Variants in CEP120 observed in about 807,000 individuals in gnomAD.
CEP120 encodes the protein centrosomal protein of 120 kDa.
Under a neutral mutation model 126.5 loss-of-function variants are expected in CEP120, and 113 were observed. The ratio of observed to expected loss-of-function variants is 0.89; its 90% CI spans 0.77 to 1.04. CEP120 has a LOEUF of 1.04. CEP120 is among the 50% of genes least tolerant of loss of function. The pLI, the probability that CEP120 is intolerant of heterozygous loss-of-function variation, is 0.00. For missense variants in CEP120, 1,230 were observed against 1,155.7 expected (o/e 1.06, Z -0.93); for synonymous variants, 400 against 394.3 (o/e 1.01, Z -0.17).
intron 3 of CEP120, among the ~76,000 whole-genome samples, chr5:123,414,449 C>T (rs575872559): frequency 6.6e-6 from 1 of 152,272 alleles, no homozygotes; most frequent in Admixed American, 6.5e-5. Context: ...TGCAAATATC[C>T]TTGCTATCAG....
At chr5:123,402,191 G>A (rs548957461) in intron 4 of CEP120, 16 of 1,567,398 alleles carry the variant, frequency 1.0e-5, no homozygotes, top group Admixed American at 3.4e-5. Flanking sequence ...CACAGCCGCC[G>A]CCCAGGCCAC....
intron 2 of CEP120, 103 bp from the exon 3 acceptor site, chr5:123,416,227 TA>T (rs1235960553): frequency 1.0e-5 from 7 of 693,862 alleles, no homozygotes; most frequent in Non-Finnish European, 1.7e-5. Context: ...TTTTGTTGGA[TA>T]AAACTGTAAC....
intron 16 of CEP120, among the ~76,000 whole-genome samples, chr5:123,376,139 A>G (rs1161078762): frequency 2.6e-5 from 4 of 152,156 alleles, no homozygotes; most frequent in Non-Finnish European, 5.9e-5. Context: ...ATGAAAATAA[A>G]AACAAACCGA....
intron 3 of CEP120, among the ~76,000 whole-genome samples, chr5:123,413,357 A>G (rs1214186909): frequency 2.6e-5 from 4 of 152,136 alleles, no homozygotes; most frequent in Non-Finnish European, 4.4e-5. Context: ...TTAACAAAAT[A>G]CTAAAGTCAA....
intron 4 of CEP120, among the ~76,000 whole-genome samples, chr5:123,411,830 G>T (rs541601431): frequency 1.3e-5 from 2 of 152,158 alleles, no homozygotes; most frequent in Non-Finnish European, 2.9e-5. Flanking sequence ...GAAACCTAAT[G>T]TAAACTATAG....
At position 123,414,971 on chromosome 5, in the gene CEP120, C is replaced by CAAAAAAAAAA. The variant is rs56756568; in HGVS notation, c.321+1029_321+1038dup. On this transcript the variant is annotated intron_variant, in intron 3 of 19. Coordinates refer to ENST00000306467, the MANE Select transcript of CEP120 (RefSeq NM_001375405.1). ...TGGGCAACAGAGCAAGACTCCATCT[C>CAAAAAAAAAA]AAAAAAAAAAAAAAAAAAAAAAAAA... Among the ~76,000 whole-genome samples, 24 of 40,664 alleles carry CAAAAAAAAAA rather than the reference C, an allele frequency of 5.9e-4. 2 individuals carry two copies. Among genetic ancestry groups the CAAAAAAAAAA allele is most frequent in the African/African-American group, 2.4e-3 (21 of 8,650 alleles). 26.7% of individuals were successfully genotyped at this position (40,664 alleles called of 152,430 possible).
At chr5:123,365,401 T>C (rs944039231) in intron 17 of CEP120, among the ~76,000 whole-genome samples, 1 of 151,780 alleles carries the variant, frequency 6.6e-6, no homozygotes, top group African/African-American at 2.4e-5. Context: ...TACTATTAAG[T>C]GATAATGTAA....
intron 4 of CEP120, among the ~76,000 whole-genome samples, chr5:123,410,103 C>G (rs1427808669): frequency 6.7e-6 from 1 of 150,266 alleles, no homozygotes; most frequent in African/African-American, 2.4e-5. Context: ...ATAAAATTTA[C>G]ATGAACACCC....
Position 123,355,256 on chromosome 5 carries a change from A to G in CEP120, c.2581-5167T>C, listed in dbSNP as rs1434321615. On this transcript the variant is annotated intron_variant, in intron 18 of 19. Transcript: ENST00000306467. ...TGCCACAAGAAACATACGTGTGCAT[A>G]TGTCTTTATAGCAGCATGATTTATA... is the stretch of plus-strand genomic sequence containing the variant. Among the ~76,000 whole-genome samples, 6 of 152,150 alleles carry G rather than the reference A, an allele frequency of 3.9e-5. No individual in the cohort carries two copies. The South Asian group carries it at 8.3e-4, about 21-fold the overall frequency.
intron 4 of CEP120, chr5:123,401,948 G>A (rs1211104663): frequency 1.4e-5 from 21 of 1,538,982 alleles, no homozygotes; most frequent in Admixed American, 1.3e-4. Flanking sequence ...TGTTGCTCCC[G>A]GCCGTCTTCT....
chr5:123,359,310 A>C (rs1197558695), intron 18 of CEP120, among the ~76,000 whole-genome samples: 12 of 152,064 alleles, frequency 7.9e-5, no homozygotes, highest in Non-Finnish European at 7.4e-5. Flanking sequence ...AATATATCTG[A>C]CATAAAAATG....
intron 1 of CEP120, 53 bp downstream of exon 1, chr5:123,422,897 G>C (rs1479895341): frequency 6.5e-7 from 1 of 1,537,696 alleles, no homozygotes; most frequent in Non-Finnish European, 9.0e-7. Flanking sequence ...CCCACACTAA[G>C]CTTTTAAAAC....
intron 4 of CEP120, among the ~76,000 whole-genome samples, chr5:123,411,373 T>C (rs535281124): frequency 2.0e-4 from 31 of 152,288 alleles, no homozygotes; most frequent in African/African-American, 6.3e-4. Flanking sequence ...CATAAGAACC[T>C]GCACACAGAT....
chr5:123,369,993 C>T (rs184974619), intron 17 of CEP120, among the ~76,000 whole-genome samples: 4 of 151,986 alleles, frequency 2.6e-5, no homozygotes, highest in African/African-American at 7.2e-5. Context: ...TGACAACATG[C>T]CCTCCATTAA....
At chr5:123,391,958 C>G (rs1399989480) in intron 6 of CEP120, among the ~76,000 whole-genome samples, 1 of 151,518 alleles carries the variant, frequency 6.6e-6, no homozygotes, top group African/African-American at 2.4e-5. Context: ...CACCTTTTGA[C>G]AAGTACAAAA....
At position 123,412,394 on chromosome 5, in the gene CEP120, C is replaced by T; in HGVS notation, c.463+5G>A. 1 of 1,593,866 alleles carries T rather than the reference C, an allele frequency of 6.3e-7. No homozygotes were observed. The highest frequency in any genetic ancestry group is 8.5e-7 in the Non-Finnish European group (1 of 1,173,816). The stretch of plus-strand genomic sequence containing the variant: ...AGAGAATGTTTTTAGAGATGATGCA[C>T]AAACCTTTTCCATCTCGAGGGGGAG... On this transcript the variant is annotated splice_donor_5th_base_variant and intron_variant, in intron 4 of 19. Transcript: ENST00000306467.
chr5:123,421,108 T>C (rs910078167), intron 1 of CEP120, among the ~76,000 whole-genome samples: 10 of 152,232 alleles, frequency 6.6e-5, no homozygotes, highest in African/African-American at 2.4e-4. Flanking sequence ...AAGCATTCTA[T>C]TTAGGAATAT....
chr5:123,388,874 C>A (rs970835235), intron 8 of CEP120, among the ~76,000 whole-genome samples: 3 of 152,194 alleles, frequency 2.0e-5, no homozygotes, highest in Admixed American at 6.5e-5. Context: ...GAGAAATATA[C>A]ATGACTGCAG....
chr5:123,378,197 C>T, intron 15 of CEP120, 139 bp downstream of exon 15: 1 of 574,874 alleles, frequency 1.7e-6, no homozygotes, highest in Non-Finnish European at 3.1e-6. Context: ...CCAGTCTTTG[C>T]TTGTCTCATT....
Sources: allele counts gnomAD v4.1 joint callset (sites outside exome capture counted in the v4.1 genomes callset), GRCh38; gene constraint gnomAD v4.1.1; transcripts MANE v1.5; gene names NCBI Gene and HGNC (gene_info 2026-07-23, HGNC 2026-07-21).